The following FRY variants were observed in gnomAD, a reference collection of about 807,000 sequenced individuals.
FRY encodes FRY microtubule binding protein.
FRY carries 128 observed loss-of-function variants against 348.4 expected under a neutral mutation model. The observed-to-expected ratio is 0.37, with a 90% CI of 0.32 to 0.43. FRY has a LOEUF of 0.43. Ranked by LOEUF, FRY falls within the 20% of genes least tolerant of loss-of-function variation. The pLI is 1.00. For missense variants in FRY, 2,736 were observed against 3,695.2 expected (o/e 0.74, Z 6.73); for synonymous variants, 1,370 against 1,374.7 (o/e 1.00, Z 0.08).
chr13:32,171,586 A>G (rs539730704), intron 18 of FRY, among the ~76,000 whole-genome samples: 147 of 152,238 alleles, frequency 9.7e-4, no homozygotes, highest in African/African-American at 3.2e-3. Flanking sequence ...TAGTGGGATT[A>G]CAGGTGTGAG....
intron 3 of FRY, among the ~76,000 whole-genome samples, chr13:32,116,264 T>C (rs1467874574): frequency 6.6e-6 from 1 of 152,194 alleles, no homozygotes; most frequent in Non-Finnish European, 1.5e-5. Context: ...ATATATCCAC[T>C]TTATCACTGC....
chr13:32,165,401 A>C (rs1026633225), intron 17 of FRY, among the ~76,000 whole-genome samples: 2 of 152,208 alleles, frequency 1.3e-5, no homozygotes, highest in Non-Finnish European at 2.9e-5. Context: ...TCACTTAGTC[A>C]TATTTCTGTA....
chr13:32,175,472 A>G lies in FRY; in HGVS notation c.2335-74A>G, dbSNP rs909116636. Reference sequence around the variant, plus strand: ...TCTCACAAGCTGTTCTGCTTCATGTATCAGACGAAGGCGGTGGGGTGGGTG... The same window carrying G: ...TCTCACAAGCTGTTCTGCTTCATGTGTCAGACGAAGGCGGTGGGGTGGGTG... On this transcript the variant is annotated intron_variant, in intron 19 of 60. Transcript: ENST00000542859. The G allele has an allele frequency of 8.3e-5, 74 of 892,902 alleles. 1 individual carries two copies. The highest frequency in any genetic ancestry group is 5.2e-4 in the South Asian group (40 of 76,520). 55.3% of individuals were successfully genotyped at this position (892,902 alleles called of 1,614,324 possible).
intron 2 of FRY, among the ~76,000 whole-genome samples, chr13:32,089,164 T>C (rs1165083560): frequency 6.6e-6 from 1 of 152,180 alleles, no homozygotes; most frequent in Non-Finnish European, 1.5e-5. Context: ...TACTATAGCA[T>C]TGTAGCAATT....
At chr13:32,198,753 G>T (rs1050280531) in intron 29 of FRY, among the ~76,000 whole-genome samples, 6 of 152,140 alleles carry the variant, frequency 3.9e-5, no homozygotes, top group Non-Finnish European at 5.9e-5. Context: ...TCATCTGGCG[G>T]TAGTTCCCCA....
chr13:32,099,554 G>A (rs539292797), intron 2 of FRY, among the ~76,000 whole-genome samples: 7 of 152,134 alleles, frequency 4.6e-5, no homozygotes, highest in East Asian at 1.9e-4. Flanking sequence ...TTTTGAAAAC[G>A]TATAATACAG....
At chr13:32,088,110 C>T (rs1876009373) in intron 2 of FRY, among the ~76,000 whole-genome samples, 1 of 152,258 alleles carries the variant, frequency 6.6e-6, no homozygotes, top group African/African-American at 2.4e-5. Flanking sequence ...TAATGTCTTT[C>T]TGCACTGTGG....
At chr13:32,215,754 G>A in intron 35 of FRY, among the ~76,000 whole-genome samples, 1 of 152,082 alleles carries the variant, frequency 6.6e-6, no homozygotes, top group East Asian at 1.9e-4. Context: ...ATTTCTTGTA[G>A]AGACGGAGTT....
chr13:32,178,749 A>G (rs760402087), intron 21 of FRY, 95 bp from the exon 22 acceptor site: 1 of 875,506 alleles, frequency 1.1e-6, no homozygotes, highest in Admixed American at 1.8e-5. Flanking sequence ...CAGTTGTTCA[A>G]CTCTATTTGA....
chr13:32,118,588 G>A (rs1197565980), intron 4 of FRY, among the ~76,000 whole-genome samples: 1 of 151,976 alleles, frequency 6.6e-6, no homozygotes, highest in Non-Finnish European at 1.5e-5. Flanking sequence ...TAGTGAAGAA[G>A]GAAATTTTTA....
At chr13:32,288,291 C>A (rs549823889) in intron 58 of FRY, among the ~76,000 whole-genome samples, 4 of 152,264 alleles carry the variant, frequency 2.6e-5, no homozygotes, top group African/African-American at 7.2e-5. Context: ...AGCTTAAAAA[C>A]CACAAAATAC....
At chr13:32,205,468 G>C (rs1884300877) in intron 31 of FRY, among the ~76,000 whole-genome samples, 1 of 152,178 alleles carries the variant, frequency 6.6e-6, no homozygotes, top group Non-Finnish European at 1.5e-5. Context: ...TCAGCTTAGA[G>C]TTATAAACTA....
chr13:32,162,254 G>A (rs1221987747), intron 17 of FRY, among the ~76,000 whole-genome samples: 1 of 152,138 alleles, frequency 6.6e-6, no homozygotes, highest in Non-Finnish European at 1.5e-5. Flanking sequence ...AAAAAGCCTG[G>A]AGAAGGATAA....
At chr13:32,115,423 A>C (rs938195866) in intron 3 of FRY, among the ~76,000 whole-genome samples, 3 of 152,172 alleles carry the variant, frequency 2.0e-5, no homozygotes, top group African/African-American at 7.2e-5. Context: ...ATTTGCCTCC[A>C]CATCACCCCA....
intron 29 of FRY, among the ~76,000 whole-genome samples, chr13:32,196,774 A>G (rs532626848): frequency 2.0e-5 from 3 of 152,294 alleles, no homozygotes; most frequent in African/African-American, 7.2e-5. Context: ...AATTTTTCAT[A>G]AAACATGTTA....
chr13:32,183,267 C>T (rs1219771010), intron 24 of FRY, among the ~76,000 whole-genome samples: 1 of 152,120 alleles, frequency 6.6e-6, no homozygotes, highest in Non-Finnish European at 1.5e-5. Flanking sequence ...ACTTAAAATA[C>T]TCATGTTTGT....
intron 17 of FRY, among the ~76,000 whole-genome samples, chr13:32,168,650 T>A (rs1186186419): frequency 1.3e-5 from 2 of 152,244 alleles, no homozygotes; most frequent in African/African-American, 4.8e-5. Flanking sequence ...AACTGTAGAT[T>A]TAATTGTATA....
At chr13:32,096,673 C>A (rs543317074) in intron 2 of FRY, among the ~76,000 whole-genome samples, 14 of 151,922 alleles carry the variant, frequency 9.2e-5, no homozygotes, top group African/African-American at 3.4e-4. Context: ...TGCCTGTAAT[C>A]CCACCTACTC....
intron 17 of FRY, among the ~76,000 whole-genome samples, chr13:32,165,465 A>G (rs1413161695): frequency 6.6e-6 from 1 of 152,014 alleles, no homozygotes; most frequent in Admixed American, 6.6e-5. Flanking sequence ...TTCATTCTTT[A>G]ATAGCCTCCA....
Sources: allele counts gnomAD v4.1 joint callset (sites outside exome capture counted in the v4.1 genomes callset), GRCh38; gene constraint gnomAD v4.1.1; transcripts MANE v1.5; gene names NCBI Gene and HGNC (gene_info 2026-07-23, HGNC 2026-07-21).